The following ATXN2 variants were observed in gnomAD, a reference collection of about 807,000 sequenced individuals.
The protein encoded by ATXN2 is ataxin-2.
ATXN2 carries 37 observed loss-of-function variants against 138.6 expected under a neutral mutation model. The ratio of observed to expected loss-of-function variants is 0.27; its 90% CI spans 0.21 to 0.35. ATXN2 has a LOEUF of 0.35. ATXN2 is among the 10% of genes least tolerant of loss of function. ATXN2 has a pLI of 1.00. For missense variants in ATXN2, 1,216 were observed against 1,480.3 expected (o/e 0.82, Z 2.93); for synonymous variants, 549 against 543.7 (o/e 1.01, Z -0.13).
intron 14 of ATXN2, among the ~76,000 whole-genome samples, chr12:111,504,534 C>T (rs922568346): frequency 3.9e-5 from 6 of 152,132 alleles, no homozygotes; most frequent in East Asian, 1.9e-4. Context: ...ATGTGATCTG[C>T]CTGCTTGGGA....
At chr12:111,566,478 G>T (rs892498115) in intron 1 of ATXN2, among the ~76,000 whole-genome samples, 3 of 150,728 alleles carry the variant, frequency 2.0e-5, no homozygotes, top group Non-Finnish European at 4.4e-5. Flanking sequence ...CATTCTGTAA[G>T]GCTACTACTG....
chr12:111,462,187 A>G (rs1489589670), intron 21 of ATXN2, among the ~76,000 whole-genome samples: 3 of 152,246 alleles, frequency 2.0e-5, no homozygotes, highest in African/African-American at 7.2e-5. Context: ...TAGATTAAAG[A>G]TAATCAAAGA....
chr12:111,577,467 G>A lies in ATXN2; in HGVS notation c.251+21317C>T, dbSNP rs574319929. Among the ~76,000 whole-genome samples the A allele has an allele frequency of 1.5e-3, 232 of 151,404 alleles. 1 individual carries two copies. Among genetic ancestry groups the A allele is most frequent in the African/African-American group, 5.4e-3 (224 of 41,322 alleles). On this transcript the variant is annotated intron_variant, in intron 1 of 24. Transcript: ENST00000673436. ...TTTTTAGTAGAGACGGGGTTTCACC[G>A]TGTTAGCCAGGATGGTCTCGATCTC...
intron 1 of ATXN2, among the ~76,000 whole-genome samples, chr12:111,571,273 T>C (rs1440414234): frequency 1.3e-5 from 2 of 152,114 alleles, no homozygotes; most frequent in Non-Finnish European, 2.9e-5. Flanking sequence ...GGATGCCAAA[T>C]AGGAATACTG....
At chr12:111,471,383 T>C (rs1876405398) in intron 18 of ATXN2, 1 of 152,388 alleles carries the variant, frequency 6.6e-6, no homozygotes, top group Non-Finnish European at 1.5e-5. Context: ...TCAACTGTCA[T>C]CTCCCATGTG....
rs1879841643 is a variant in ATXN2, at chr12:111,516,118, G to A, written c.1375+36C>T. 6.4e-7 allele frequency: 1 copy of A among 1,560,264 alleles called. No homozygotes were observed. Among genetic ancestry groups the A allele is most frequent in the Non-Finnish European group, 8.7e-7 (1 of 1,147,056 alleles). ...TAAACTCACATAGGAGTTAAACAAAGACAAACAAAAACATGAACAAATTGT... is the reference window on the plus strand; with the variant it reads ...TAAACTCACATAGGAGTTAAACAAAAACAAACAAAAACATGAACAAATTGT... On this transcript the variant is annotated intron_variant, in intron 10 of 24. Transcript: ENST00000673436. This position sits in a 1 kb window ranked among gnomAD's most constrained non-coding sequence, Gnocchi z 5.0.
intron 1 of ATXN2, among the ~76,000 whole-genome samples, chr12:111,585,127 T>C (rs1281895889): frequency 6.6e-6 from 1 of 152,198 alleles, no homozygotes; most frequent in Non-Finnish European, 1.5e-5. Context: ...CCTGGTGTTA[T>C]GAGTCACCAT....
Position 111,516,882 on chromosome 12 carries a change from A to G in ATXN2, c.1166-519T>C, listed in dbSNP as rs980484492. Among the ~76,000 whole-genome samples, 1 of 152,204 alleles carries G rather than the reference A, an allele frequency of 6.6e-6. No homozygotes were observed. Among genetic ancestry groups the G allele is most frequent in the Non-Finnish European group, 1.5e-5 (1 of 68,014 alleles). Reference sequence around the variant, plus strand: ...TTTCATCAGGTTTACACTTGAACCCAGAACTCAGTTTGGAATCTTATTAAG... The same window carrying G: ...TTTCATCAGGTTTACACTTGAACCCGGAACTCAGTTTGGAATCTTATTAAG... On this transcript the variant is annotated intron_variant, in intron 9 of 24. Transcript: ENST00000673436. This position sits in a 1 kb window ranked among gnomAD's most constrained non-coding sequence, Gnocchi z 5.0.
Position 111,452,856 on chromosome 12 carries a change from C to T in ATXN2, c.3440-16G>A, listed in dbSNP as rs926126599. The T allele has an allele frequency of 9.3e-6, 15 of 1,605,428 alleles. No individual in the cohort carries two copies. The highest frequency in any genetic ancestry group is 1.2e-5 in the Non-Finnish European group (14 of 1,176,012). ...TGGGCTTGTACTGTAAAAAGAAAAGCGAACATTGAAACAGAAAACTGGCAA... is the reference window on the plus strand; with the variant it reads ...TGGGCTTGTACTGTAAAAAGAAAAGTGAACATTGAAACAGAAAACTGGCAA... On this transcript the variant is annotated splice_polypyrimidine_tract_variant and intron_variant, in intron 24 of 24. Coordinates refer to ENST00000673436, the MANE Select transcript of ATXN2 (RefSeq NM_001372574.1).
At chr12:111,484,506 C>T (rs1182799396) in intron 18 of ATXN2, among the ~76,000 whole-genome samples, 1 of 152,118 alleles carries the variant, frequency 6.6e-6, no homozygotes, top group Non-Finnish European at 1.5e-5. Context: ...GATCTTGGCT[C>T]ACTGCAACCC....
At chr12:111,474,216 G>A (rs1876631787) in intron 18 of ATXN2, among the ~76,000 whole-genome samples, 1 of 151,968 alleles carries the variant, frequency 6.6e-6, no homozygotes, top group Non-Finnish European at 1.5e-5. Flanking sequence ...GTTAGACACT[G>A]TCTCAAAAAA....
At chr12:111,456,863 T>A (rs2135649354) in intron 22 of ATXN2, among the ~76,000 whole-genome samples, 1 of 152,256 alleles carries the variant, frequency 6.6e-6, no homozygotes, top group Non-Finnish European at 1.5e-5. Flanking sequence ...TTCTCCTTCC[T>A]CAGCCTCCCG....
In ATXN2 at chr12:111,552,340, T is replaced by G. The variant is rs765011609; in HGVS notation, c.511A>C (p.Lys171Gln). 6.2e-7 allele frequency: 1 copy of G among 1,613,670 alleles called. No homozygotes were observed. Among genetic ancestry groups the G allele is most frequent in the South Asian group, 1.1e-5 (1 of 91,030 alleles). ...TGTACCACAACAAAGTCTGAACATTTGAACAAAATACTCTCCATTATTTCT... is the reference window on the plus strand; with the variant it reads ...TGTACCACAACAAAGTCTGAACATTGGAACAAAATACTCTCCATTATTTCT... ...REEIMESILF[K>Q]CSDFVVVQFK... Residue 171 changes from lysine to glutamine, a missense_variant, in exon 5 of 25, where the codon AAA becomes CAA. Physicochemically the swap from Lys to Gln is moderately conservative, Grantham distance 53. Coordinates refer to ENST00000673436, the MANE Select transcript of ATXN2 (RefSeq NM_001372574.1). The surrounding 1 kb of genome is among the most constrained non-coding windows in gnomAD (Gnocchi z 4.1).
intron 3 of ATXN2, 97 bp downstream of exon 3, chr12:111,554,061 A>G (rs1592895318): frequency 2.5e-6 from 2 of 796,888 alleles, no homozygotes; most frequent in Non-Finnish European, 2.0e-6. Flanking sequence ...TGATCTAAGC[A>G]ATGTTACTTT....
At chr12:111,478,020 C>T (rs1876946125) in intron 18 of ATXN2, among the ~76,000 whole-genome samples, 1 of 151,712 alleles carries the variant, frequency 6.6e-6, no homozygotes, top group African/African-American at 2.4e-5. Flanking sequence ...TGGTCTCAAA[C>T]TGTTGGCTCA....
At chr12:111,527,680 G>A (rs1320471882) in intron 5 of ATXN2, among the ~76,000 whole-genome samples, 2 of 152,178 alleles carry the variant, frequency 1.3e-5, no homozygotes, top group East Asian at 3.8e-4. Context: ...GAGTTCCCCA[G>A]AGCAGCAGGA....
chr12:111,482,679 A>G lies in ATXN2; in HGVS notation c.2524+2586T>C, dbSNP rs115572048. The G allele has an allele frequency of 2.0e-3, 309 of 152,242 alleles. 1 individual carries two copies. Among genetic ancestry groups the G allele is most frequent in the African/African-American group, 7.1e-3 (293 of 41,552 alleles). The allele number at this position is 152,242 out of a possible 1,614,324, so 9.4% of individuals were successfully genotyped here. On this transcript the variant is annotated intron_variant, in intron 18 of 24. Transcript: ENST00000673436. Reference sequence around the variant, plus strand: ...AAACAGCTACACCTGCTGGTGATACATGAACACCTTAACACTACATTAAAA... The same window carrying G: ...AAACAGCTACACCTGCTGGTGATACGTGAACACCTTAACACTACATTAAAA...
chr12:111,508,854 AGAAT>A, intron 14 of ATXN2, among the ~76,000 whole-genome samples: 1 of 152,378 alleles, frequency 6.6e-6, no homozygotes, highest in Admixed American at 6.5e-5. Context: ...CAATAAGTCA[AGAAT>A]GAAGCTATTG....
At chr12:111,590,894 A>AC (rs1032438073) in intron 1 of ATXN2, among the ~76,000 whole-genome samples, 1 of 145,388 alleles carries the variant, frequency 6.9e-6, no homozygotes, top group Non-Finnish European at 1.5e-5. Context: ...AGGTGGAACA[A>AC]TTTTTTTTTT....
Sources: allele counts gnomAD v4.1 joint callset (sites outside exome capture counted in the v4.1 genomes callset), GRCh38; gene constraint gnomAD v4.1.1; non-coding constraint Gnocchi (gnomAD v3.1); transcripts MANE v1.5; gene names NCBI Gene and HGNC (gene_info 2026-07-23, HGNC 2026-07-21).